The following OPCML variants were observed in gnomAD, a reference collection of about 807,000 sequenced individuals.
OPCML encodes opioid-binding protein/cell adhesion molecule.
In OPCML, 13 loss-of-function variants were observed where a neutral mutation model predicts 37.8. That is an observed-to-expected ratio of 0.34 (90% CI 0.22 to 0.55). OPCML has a LOEUF of 0.55. Among genes scored for constraint, OPCML ranks in the 20% least tolerant of loss-of-function variants. The pLI, the probability that OPCML is intolerant of heterozygous loss-of-function variation, is 0.91. For synonymous variants in OPCML, 176 were observed against 168.8 expected, an observed-to-expected ratio of 1.04 and a Z score of -0.33; for missense variants, 341 against 435.6, an observed-to-expected ratio of 0.78 and a Z score of 1.93.
At chr11:133,430,968 A>C (rs1486296979) in intron 1 of OPCML, among the ~76,000 whole-genome samples, 1 of 152,158 alleles carries the variant, frequency 6.6e-6, no homozygotes, top group East Asian at 1.9e-4. Flanking sequence ...TAACTTTAGA[A>C]GTTCATGGGT....
At chr11:133,359,492 C>T (rs987762166) in intron 1 of OPCML, among the ~76,000 whole-genome samples, 10 of 152,156 alleles carry the variant, frequency 6.6e-5, no homozygotes, top group African/African-American at 2.4e-4. Flanking sequence ...TCAGGTACTC[C>T]GCAGAGCAAT....
intron 1 of OPCML, among the ~76,000 whole-genome samples, chr11:133,296,152 G>T (rs1171601239): frequency 6.6e-6 from 1 of 152,218 alleles, no homozygotes; most frequent in African/African-American, 2.4e-5. Context: ...CTAGGATGAT[G>T]AATGAAGGAC....
chr11:132,859,866 A>G (rs1942225057), intron 2 of OPCML: 2 of 152,186 alleles, frequency 1.3e-5, no homozygotes, highest in African/African-American at 2.4e-5. Context: ...CAACGGTACT[A>G]TGGGCTCAGC....
chr11:132,683,744 G>A (rs1353048043), intron 2 of OPCML, among the ~76,000 whole-genome samples: 1 of 152,106 alleles, frequency 6.6e-6, no homozygotes, highest in Non-Finnish European at 1.5e-5. Flanking sequence ...TGATACTGAT[G>A]CTGACTCATG....
At chr11:132,569,643 A>C (rs1356295589) in intron 3 of OPCML, among the ~76,000 whole-genome samples, 1 of 152,224 alleles carries the variant, frequency 6.6e-6, no homozygotes, top group Non-Finnish European at 1.5e-5. Flanking sequence ...AAATATAAAA[A>C]TTAAACTTCA....
intron 1 of OPCML, among the ~76,000 whole-genome samples, chr11:132,972,507 C>G (rs778851460): frequency 1.3e-5 from 2 of 152,190 alleles, no homozygotes; most frequent in Non-Finnish European, 2.9e-5. Flanking sequence ...CCCCATTATT[C>G]ATTTTCTGGT....
In OPCML at chr11:133,206,891, G is replaced by A. The variant is rs777504340; in HGVS notation, c.62-263881C>T. On this transcript the variant is annotated intron_variant, in intron 1 of 7. Coordinates refer to ENST00000524381, the MANE Select transcript of OPCML (RefSeq NM_001012393.5). This position sits in a 1 kb window ranked among gnomAD's most constrained non-coding sequence, Gnocchi z 4.7. ...GTCTTAGGACGGGTAGGTGGAGGGAGCCTGGGATCACCAATGACTGAGAAG... is the reference window on the plus strand; with the variant it reads ...GTCTTAGGACGGGTAGGTGGAGGGAACCTGGGATCACCAATGACTGAGAAG... 2.6e-5 allele frequency among the ~76,000 whole-genome samples: 4 copies of A among 152,176 alleles called. No homozygotes were observed. The highest frequency in any genetic ancestry group is 4.4e-5 in the Non-Finnish European group (3 of 68,038).
intron 2 of OPCML, among the ~76,000 whole-genome samples, chr11:132,804,464 C>G (rs923439414): frequency 6.6e-6 from 1 of 152,162 alleles, no homozygotes; most frequent in African/African-American, 2.4e-5. Flanking sequence ...GCAAGACAAG[C>G]AGTTTACCAG....
At chr11:133,035,041 T>C (rs1382963106) in intron 1 of OPCML, among the ~76,000 whole-genome samples, 1 of 152,184 alleles carries the variant, frequency 6.6e-6, no homozygotes, top group African/African-American at 2.4e-5. Context: ...ACCAGATGGA[T>C]AATGCCCCAG....
chr11:132,533,266 A>G (rs2096331247), intron 3 of OPCML, among the ~76,000 whole-genome samples: 1 of 152,186 alleles, frequency 6.6e-6, no homozygotes, highest in Non-Finnish European at 1.5e-5. Flanking sequence ...TAGATTGTGC[A>G]GAGGGTTCAA....
chr11:133,028,509 T>C (rs1264292883), intron 1 of OPCML, among the ~76,000 whole-genome samples: 2 of 149,272 alleles, frequency 1.3e-5, no homozygotes, highest in East Asian at 4.0e-4. Flanking sequence ...AAGGTTTCAG[T>C]TGTTTGATAA....
At chr11:133,416,509 G>A (rs1337931429) in intron 1 of OPCML, among the ~76,000 whole-genome samples, 1 of 152,152 alleles carries the variant, frequency 6.6e-6, no homozygotes. Context: ...TTGCCAGTGT[G>A]CCAGGTGCCT....
rs563183368 is a variant in OPCML, at chr11:133,487,997, G to A, written c.61+44267C>T. Among the ~76,000 whole-genome samples, 149 of 151,982 alleles carry A rather than the reference G, an allele frequency of 9.8e-4. 4 individuals are homozygous for A. Among genetic ancestry groups the A allele is most frequent in the Non-Finnish European group, 3.2e-4 (22 of 67,950 alleles). ...TACAAATCAATAAATGTGATATATCGCATAAACAAAAAAGGATAAAAATCA... is the reference window on the plus strand; with the variant it reads ...TACAAATCAATAAATGTGATATATCACATAAACAAAAAAGGATAAAAATCA... On this transcript the variant is annotated intron_variant, in intron 1 of 7. Coordinates refer to ENST00000524381, the MANE Select transcript of OPCML (RefSeq NM_001012393.5).
chr11:132,798,526 T>A (rs868584518), intron 2 of OPCML, among the ~76,000 whole-genome samples: 1 of 152,228 alleles, frequency 6.6e-6, no homozygotes, highest in Non-Finnish European at 1.5e-5. Flanking sequence ...ATTATGAAAT[T>A]GCAGCAATTC....
chr11:132,561,457 CT>C (rs1332988053), intron 3 of OPCML, among the ~76,000 whole-genome samples: 1 of 152,220 alleles, frequency 6.6e-6, no homozygotes, highest in Non-Finnish European at 1.5e-5. Context: ...ACATGTGCCC[CT>C]GACACCATGT....
intron 2 of OPCML, among the ~76,000 whole-genome samples, chr11:132,896,053 C>A (rs1031407997): frequency 3.3e-5 from 5 of 152,088 alleles, no homozygotes; most frequent in Non-Finnish European, 5.9e-5. Context: ...CCCTCAGAGC[C>A]GAGGTCCTCA....
At chr11:133,385,251 G>T (rs1945020117) in intron 1 of OPCML, among the ~76,000 whole-genome samples, 1 of 152,168 alleles carries the variant, frequency 6.6e-6, no homozygotes, top group Non-Finnish European at 1.5e-5. Context: ...TGCAATCCCT[G>T]CTGGCACTGT....
At chr11:132,593,690 A>G (rs1193269363) in intron 3 of OPCML, among the ~76,000 whole-genome samples, 3 of 152,216 alleles carry the variant, frequency 2.0e-5, no homozygotes, top group African/African-American at 7.2e-5. Context: ...TTAGAGGTAC[A>G]GCCAACAGAA....
Position 133,011,523 on chromosome 11 carries a change from G to T in OPCML, c.62-68513C>A, listed in dbSNP as rs575999597. Among the ~76,000 whole-genome samples, 17 of 152,122 alleles carry T rather than the reference G, an allele frequency of 1.1e-4. No individual in the cohort carries two copies. The South Asian group carries it at 3.3e-3, about 30-fold the overall frequency. On this transcript the variant is annotated intron_variant, in intron 1 of 7. Transcript: ENST00000524381. The stretch of plus-strand genomic sequence containing the variant: ...TTGACATGCTATAAAACTCCAGAAG[G>T]CAGGACTATGCTCAATTTAAGGAAA...
Sources: allele counts gnomAD v4.1 joint callset (sites outside exome capture counted in the v4.1 genomes callset), GRCh38; gene constraint gnomAD v4.1.1; non-coding constraint Gnocchi (gnomAD v3.1); transcripts MANE v1.5; gene names NCBI Gene and HGNC (gene_info 2026-07-23, HGNC 2026-07-21).